EXOC4: variants seen among roughly 807,000 people sequenced by gnomAD.
EXOC4 encodes the protein SEC8-like 1.
Under a neutral mutation model 107.2 loss-of-function variants are expected in EXOC4, and 71 were observed. The observed-to-expected ratio is 0.66, with a 90% CI of 0.55 to 0.81. EXOC4 has a LOEUF of 0.81. Among genes scored for constraint, EXOC4 ranks in the 30% least tolerant of loss-of-function variants. The pLI, the probability that EXOC4 is intolerant of heterozygous loss-of-function variation, is 0.00. For missense variants in EXOC4, 1,108 were observed against 1,189.6 expected, an observed-to-expected ratio of 0.93 and a Z score of 1.01; for synonymous variants, 456 against 441.2, an observed-to-expected ratio of 1.03 and a Z score of -0.42.
At chr7:133,943,851 A>G (rs1259565135) in intron 14 of EXOC4, among the ~76,000 whole-genome samples, 1 of 152,176 alleles carries the variant, frequency 6.6e-6, no homozygotes, top group East Asian at 1.9e-4. Context: ...GGCTACTGCT[A>G]TAGTGACCCT....
At chr7:133,979,667 A>G (rs1260285718) in intron 14 of EXOC4, among the ~76,000 whole-genome samples, 1 of 152,062 alleles carries the variant, frequency 6.6e-6, no homozygotes, top group Non-Finnish European at 1.5e-5. Flanking sequence ...GGGCGCCTGT[A>G]GTCCCAGCTA....
At chr7:133,986,098 G>T (rs1794107684) in intron 14 of EXOC4, among the ~76,000 whole-genome samples, 1 of 152,256 alleles carries the variant, frequency 6.6e-6, no homozygotes, top group Non-Finnish European at 1.5e-5. Context: ...GTGTATGCAT[G>T]CATAGGACCT....
chr7:133,979,246 T>C (rs574664451), intron 14 of EXOC4, among the ~76,000 whole-genome samples: 2 of 152,284 alleles, frequency 1.3e-5, no homozygotes, highest in African/African-American at 4.8e-5. Context: ...GGTATCATAA[T>C]GGCTGTTTAG....
chr7:133,656,957 A>C (rs180989711), intron 10 of EXOC4, among the ~76,000 whole-genome samples: 1 of 152,198 alleles, frequency 6.6e-6, no homozygotes, highest in African/African-American at 2.4e-5. Flanking sequence ...AAGCTCATTT[A>C]TCTAATTTAA....
intron 9 of EXOC4, among the ~76,000 whole-genome samples, chr7:133,571,753 G>A (rs567843537): frequency 1.4e-4 from 22 of 152,268 alleles, no homozygotes; most frequent in Non-Finnish European, 2.8e-4. Flanking sequence ...GTGCTGACAG[G>A]TTTGGCTGTT....
chr7:133,315,673 T>C (rs973599265), intron 4 of EXOC4, among the ~76,000 whole-genome samples: 1 of 152,224 alleles, frequency 6.6e-6, no homozygotes, highest in African/African-American at 2.4e-5. Context: ...TGGATTTTCT[T>C]AAGATAGTTT....
chr7:133,922,844 G>A (rs186956150), intron 13 of EXOC4, among the ~76,000 whole-genome samples: 1,661 of 148,890 alleles, frequency 0.011, 21 homozygotes, highest in African/African-American at 0.039. Flanking sequence ...GCGAGACTCC[G>A]TCTCAAAAAA....
chr7:133,818,316 A>T (rs960003057), intron 11 of EXOC4, among the ~76,000 whole-genome samples: 15 of 152,136 alleles, frequency 9.9e-5, no homozygotes, highest in African/African-American at 3.1e-4. Context: ...TCACACTTTT[A>T]CCTAAATTGT....
chr7:133,538,616 G>C (rs977558320), intron 9 of EXOC4, among the ~76,000 whole-genome samples: 2 of 151,920 alleles, frequency 1.3e-5, no homozygotes, highest in Non-Finnish European at 2.9e-5. Flanking sequence ...GGGAATTTGA[G>C]ACCAGCCTGG....
intron 11 of EXOC4, among the ~76,000 whole-genome samples, chr7:133,850,649 C>T (rs1365963964): frequency 1.3e-5 from 2 of 150,678 alleles, no homozygotes; most frequent in African/African-American, 4.9e-5. Flanking sequence ...CCCACACACA[C>T]ACACACCCAT....
chr7:133,644,304 A>G (rs928969811), intron 10 of EXOC4, among the ~76,000 whole-genome samples: 4 of 152,148 alleles, frequency 2.6e-5, no homozygotes, highest in Admixed American at 2.0e-4. Flanking sequence ...TACGGTAGCT[A>G]TGCCTACTTT....
At chr7:133,844,378 CTTTTTTTTTTTT>C (rs761535651) in intron 11 of EXOC4, among the ~76,000 whole-genome samples, 7 of 83,346 alleles carry the variant, frequency 8.4e-5, no homozygotes, top group African/African-American at 1.2e-4. Flanking sequence ...CCACATATTC[CTTTTTTTTTTTT>C]TTTTTTTTTT....
intron 9 of EXOC4, among the ~76,000 whole-genome samples, chr7:133,514,583 A>G (rs915615065): frequency 6.6e-6 from 1 of 152,244 alleles, no homozygotes; most frequent in African/African-American, 2.4e-5. Flanking sequence ...GCAGCATTAG[A>G]TAACCCCTTC....
rs568233845 is a variant in EXOC4 at position 133,306,450 on chromosome 7, C to T, written c.656+389C>T. On this transcript the variant is annotated intron_variant, in intron 4 of 17. Transcript: ENST00000253861. ...CAGTGGCTTATGCTTGTAATCCCAG[C>T]ACTATGAGAGGCTGAGGTGGAAGGA... Among the ~76,000 whole-genome samples, 16 of 152,148 alleles carry T rather than the reference C, an allele frequency of 1.1e-4. No homozygotes were observed. The South Asian group carries it at 2.3e-3, about 22-fold the overall frequency.
intron 12 of EXOC4, among the ~76,000 whole-genome samples, chr7:133,911,453 G>A (rs118082724): frequency 0.017 from 2,641 of 152,254 alleles, 44 homozygotes; most frequent in Non-Finnish European, 0.025. Flanking sequence ...TGGGATTGGT[G>A]TTCATTCCAA....
chr7:133,570,284 G>C (rs1031151849), intron 9 of EXOC4, among the ~76,000 whole-genome samples: 2 of 152,192 alleles, frequency 1.3e-5, no homozygotes, highest in African/African-American at 4.8e-5. Context: ...AGGTCTTACA[G>C]TCTCACCAGT....
At chr7:134,008,480 C>T (rs1040065009) in intron 17 of EXOC4, among the ~76,000 whole-genome samples, 1 of 152,010 alleles carries the variant, frequency 6.6e-6, no homozygotes, top group East Asian at 1.9e-4. Flanking sequence ...TTGAATTTTT[C>T]CCTTTTTTTC....
At chr7:133,912,157 AT>A (rs1278417672) in intron 12 of EXOC4, among the ~76,000 whole-genome samples, 1 of 152,232 alleles carries the variant, frequency 6.6e-6, no homozygotes, top group Non-Finnish European at 1.5e-5. Flanking sequence ...ACCCCATTGT[AT>A]TAGACAGAGT....
chr7:134,051,561 A>G (rs1411080028), intron 17 of EXOC4, among the ~76,000 whole-genome samples: 5 of 151,618 alleles, frequency 3.3e-5, no homozygotes, highest in African/African-American at 1.2e-4. Context: ...AATCCCAGCT[A>G]CTCCGGAGGC....
Sources: gnomAD v4.1 joint callset for allele counts (sites outside exome capture counted in the v4.1 genomes callset) on GRCh38, gnomAD v4.1.1 for gene constraint, MANE v1.5 for transcripts, NCBI Gene and HGNC (gene_info 2026-07-23, HGNC 2026-07-21) for gene names.